Variants in ADAMTS18 observed in about 807,000 individuals in gnomAD.
ADAMTS18 encodes the protein A disintegrin and metalloproteinase with thrombospondin motifs 18.
ADAMTS18 carries 157 observed loss-of-function variants against 165.9 expected under a neutral mutation model. That is an observed-to-expected ratio of 0.95 (90% confidence interval 0.83 to 1.08). ADAMTS18 has a LOEUF of 1.08. ADAMTS18 is among the 50% of genes least tolerant of loss of function. The probability of loss-of-function intolerance (pLI) is 0.00; values close to 1 mark genes in which losing one functional copy is unlikely to be tolerated. For synonymous variants in ADAMTS18, 782 were observed against 578.2 expected (o/e 1.35, Z -5.06); for missense variants, 2,040 against 1,534.0 (o/e 1.33, Z -5.51).
At chr16:77,352,852 T>G (rs1326011877) in intron 10 of ADAMTS18, among the ~76,000 whole-genome samples, 1 of 152,132 alleles carries the variant, frequency 6.6e-6, no homozygotes, top group East Asian at 1.9e-4. Context: ...GGCTCATGCC[T>G]GTAATCCCAG....
At position 77,291,344 on chromosome 16, in the gene ADAMTS18, C is replaced by A; in HGVS notation, c.3324G>T (p.Glu1108Asp). 1 of 1,614,224 alleles carries A rather than the reference C, an allele frequency of 6.2e-7. No individual in the cohort carries two copies. The highest frequency in any genetic ancestry group is 8.5e-7 in the Non-Finnish European group (1 of 1,180,032). ...NIKKPNLDLEETCNRRACPAH... is the reference protein window; with the variant it reads ...NIKKPNLDLEDTCNRRACPAH... ...CTGGGCAAGCCCGTCGGTTGCAGGT[C>A]TCTTCCAAGTCCAGATTTGGTTTCT... is the stretch of plus-strand genomic sequence containing the variant. The change falls in exon 21 of 23, where the codon GAG becomes GAT. Residue 1108 changes from glutamate (E) to aspartate (D), a missense_variant. Transcript: ENST00000282849.
intron 3 of ADAMTS18, among the ~76,000 whole-genome samples, chr16:77,431,085 A>G (rs937065352): frequency 2.6e-5 from 4 of 152,240 alleles, no homozygotes; most frequent in African/African-American, 9.6e-5. Context: ...AAACATCAAA[A>G]GATTGTTCTA....
chr16:77,285,063 TATTTCACTGTACATCAAGA>T (rs1261751857), intron 22 of ADAMTS18, among the ~76,000 whole-genome samples: 2 of 152,222 alleles, frequency 1.3e-5, no homozygotes, highest in African/African-American at 4.8e-5. Context: ...CAGATGTGAT[TATTTCACTGTACATCAAGA>T]ATTCTTACTC....
intron 7 of ADAMTS18, among the ~76,000 whole-genome samples, chr16:77,360,059 A>T (rs911765317): frequency 2.6e-5 from 4 of 152,186 alleles, no homozygotes; most frequent in Admixed American, 6.5e-5. Context: ...GTGTGTGCGA[A>T]CATCTTTCTT....
intron 10 of ADAMTS18, among the ~76,000 whole-genome samples, chr16:77,345,222 A>C (rs137999122): frequency 6.6e-6 from 1 of 152,172 alleles, no homozygotes; most frequent in Non-Finnish European, 1.5e-5. Context: ...TTTGCAAACC[A>C]AATTTTATGA....
chr16:77,288,516 A>G (rs1166979571), intron 22 of ADAMTS18, among the ~76,000 whole-genome samples: 2 of 152,144 alleles, frequency 1.3e-5, no homozygotes, highest in East Asian at 3.9e-4. Flanking sequence ...CAGTTTACTC[A>G]GACTTTCCAT....
chr16:77,301,255 A>G (rs887715730), intron 16 of ADAMTS18, among the ~76,000 whole-genome samples: 3 of 150,226 alleles, frequency 2.0e-5, no homozygotes, highest in Non-Finnish European at 2.9e-5. Flanking sequence ...CAACTCTATA[A>G]TGTAGCTGCC....
In ADAMTS18 at chr16:77,431,029, CT is replaced by C. The variant is rs779689061; in HGVS notation, c.495+265del. 7.4e-4 allele frequency among the ~76,000 whole-genome samples: 112 copies of C among 152,300 alleles called. 1 individual carries two copies. Among genetic ancestry groups the C allele is most frequent in the Admixed American group, 2.5e-3 (38 of 15,298 alleles). On this transcript the variant is annotated intron_variant, in intron 3 of 22. Transcript: ENST00000282849. The stretch of plus-strand genomic sequence containing the variant: ...GAATGGCATCCATCAAGTTAATTTC[CT>C]TGGGGATCATCTCAAACATGGAGAA...
At chr16:77,311,885 A>G (rs2055788130) in intron 16 of ADAMTS18, among the ~76,000 whole-genome samples, 1 of 152,212 alleles carries the variant, frequency 6.6e-6, no homozygotes, top group Admixed American at 6.5e-5. Flanking sequence ...TGCATAAAGA[A>G]AGATTTTGGA....
intron 3 of ADAMTS18, among the ~76,000 whole-genome samples, chr16:77,397,901 G>A (rs1027365482): frequency 6.6e-6 from 1 of 152,176 alleles, no homozygotes; most frequent in Non-Finnish European, 1.5e-5. Context: ...GGTCCTCTGT[G>A]TTGTCCTATG....
chr16:77,431,700 G>C lies in ADAMTS18; in HGVS notation c.179-89C>G, dbSNP rs1197515391. 3.7e-6 allele frequency: 5 copies of C among 1,346,162 alleles called. No individual in the cohort carries two copies. In the Admixed American group the frequency reaches 6.7e-5, roughly 18 times the overall value. 83.4% of individuals were successfully genotyped at this position (1,346,162 alleles called of 1,614,324 possible). ...GCAAGCTGGCAAAGAGCAACACAAAGCTCAAAGATATCTTTGTTCCTATTG... is the reference window on the plus strand; with the variant it reads ...GCAAGCTGGCAAAGAGCAACACAAACCTCAAAGATATCTTTGTTCCTATTG... On this transcript the variant is annotated intron_variant, in intron 2 of 22. Transcript: ENST00000282849.
At chr16:77,322,571 T>C in intron 13 of ADAMTS18, 105 bp from the exon 14 acceptor site, 1 of 1,411,614 alleles carries the variant, frequency 7.1e-7, no homozygotes, top group Non-Finnish European at 9.8e-7. Context: ...GCTATCATGA[T>C]GAATATGGAA....
At chr16:77,373,465 GA>G (rs371326389) in intron 3 of ADAMTS18, among the ~76,000 whole-genome samples, 11,776 of 78,124 alleles carry the variant, frequency 0.15, 510 homozygotes, top group African/African-American at 0.25. Context: ...CCTCAAAAAA[GA>G]AAAAAAAAAA....
At chr16:77,398,458 C>T (rs1324605970) in intron 3 of ADAMTS18, among the ~76,000 whole-genome samples, 2 of 152,154 alleles carry the variant, frequency 1.3e-5, no homozygotes, top group Non-Finnish European at 2.9e-5. Flanking sequence ...AGGCAGTGAT[C>T]AAAGCTGCCA....
At chr16:77,319,475 C>G (rs1451304446) in intron 16 of ADAMTS18, among the ~76,000 whole-genome samples, 1 of 152,114 alleles carries the variant, frequency 6.6e-6, no homozygotes, top group African/African-American at 2.4e-5. Flanking sequence ...AACAGTCTTG[C>G]TCTGTTGCCC....
At chr16:77,400,275 A>G (rs1038569931) in intron 3 of ADAMTS18, among the ~76,000 whole-genome samples, 4 of 151,870 alleles carry the variant, frequency 2.6e-5, no homozygotes, top group Admixed American at 1.3e-4. Context: ...AGCATTACAT[A>G]TCTTCGCACC....
intron 4 of ADAMTS18, 150 bp downstream of exon 4, chr16:77,367,291 T>G (rs1597179675): frequency 1.2e-6 from 1 of 813,070 alleles, no homozygotes; most frequent in African/African-American, 1.7e-5. Context: ...ATCCAGCATT[T>G]GCCTGAGAGA....
At chr16:77,345,356 A>G (rs2056460531) in intron 10 of ADAMTS18, among the ~76,000 whole-genome samples, 1 of 152,174 alleles carries the variant, frequency 6.6e-6, no homozygotes, top group Non-Finnish European at 1.5e-5. Flanking sequence ...TCTGGTAAAA[A>G]ATCCTAGAGT....
chr16:77,341,642 C>G (rs1275966605), intron 11 of ADAMTS18, 62 bp downstream of exon 11: 1 of 1,333,648 alleles, frequency 7.5e-7, no homozygotes, highest in Non-Finnish European at 1.1e-6. Flanking sequence ...ACAATACAAA[C>G]AGTTTGAATT....
Sources: gnomAD v4.1 joint callset for allele counts (sites outside exome capture counted in the v4.1 genomes callset) on GRCh38, gnomAD v4.1.1 for gene constraint, MANE v1.5 for transcripts, NCBI Gene and HGNC (gene_info 2026-07-23, HGNC 2026-07-21) for gene names.